The following MAMDC2 variants were observed in gnomAD, a reference collection of about 807,000 sequenced individuals.
The protein encoded by MAMDC2 is MAM domain containing 2, also known as MAM domain-containing protein 2.
In MAMDC2, 57 loss-of-function variants were observed where a neutral mutation model predicts 89.8. That is an observed-to-expected ratio of 0.63 (90% CI 0.51 to 0.79). MAMDC2 has a LOEUF of 0.79. Among genes scored for constraint, MAMDC2 ranks in the 30% least tolerant of loss-of-function variants. The pLI, the probability that MAMDC2 is intolerant of heterozygous loss-of-function variation, is 0.00. For synonymous variants in MAMDC2, 313 were observed against 293.4 expected, an observed-to-expected ratio of 1.07 and a Z score of -0.68; for missense variants, 800 against 820.6, an observed-to-expected ratio of 0.97 and a Z score of 0.31.
intron 11 of MAMDC2, among the ~76,000 whole-genome samples, chr9:70,200,484 G>A (rs12350836): frequency 0.012 from 1,838 of 151,776 alleles, 37 homozygotes; most frequent in African/African-American, 0.042. Context: ...GTCAGGTAGC[G>A]TGATTCCTCC....
intron 2 of MAMDC2, among the ~76,000 whole-genome samples, chr9:70,105,090 A>G (rs1828301464): frequency 6.6e-6 from 1 of 152,224 alleles, no homozygotes; most frequent in South Asian, 2.1e-4. Flanking sequence ...ATTCTAGAAT[A>G]GCAATTTTCT....
chr9:70,163,217 A>ATTTC (rs1479053295), intron 9 of MAMDC2, among the ~76,000 whole-genome samples: 1 of 23,578 alleles, frequency 4.2e-5, no homozygotes, highest in Non-Finnish European at 9.8e-5. Context: ...GCTTCAGGAT[A>ATTTC]TTTCTTTCTT....
At chr9:70,075,256 C>T (rs1247373309) in intron 2 of MAMDC2, among the ~76,000 whole-genome samples, 1 of 152,200 alleles carries the variant, frequency 6.6e-6, no homozygotes, top group East Asian at 1.9e-4. Context: ...ACCCTAACCC[C>T]TGCAACAGCA....
intron 7 of MAMDC2, among the ~76,000 whole-genome samples, chr9:70,138,789 G>A (rs1443457766): frequency 1.3e-5 from 2 of 152,086 alleles, no homozygotes; most frequent in African/African-American, 4.8e-5. Flanking sequence ...ACTCGGCAAA[G>A]TCAAAGCAAT....
At chr9:70,203,260 A>G (rs1049823690) in intron 11 of MAMDC2, among the ~76,000 whole-genome samples, 3 of 152,112 alleles carry the variant, frequency 2.0e-5, no homozygotes, top group African/African-American at 7.2e-5. Context: ...GATGGTGACA[A>G]AATCGGTCAG....
At chr9:70,215,531 C>G (rs935971434) in intron 11 of MAMDC2, among the ~76,000 whole-genome samples, 3 of 152,214 alleles carry the variant, frequency 2.0e-5, no homozygotes, top group African/African-American at 4.8e-5. Context: ...AACCAATTAG[C>G]TTTCTAATTA....
In MAMDC2 at chr9:70,131,526, T is replaced by G; in HGVS notation, c.908T>G (p.Phe303Cys). 1 of 1,598,830 alleles carries G rather than the reference T, an allele frequency of 6.3e-7. No homozygotes were observed. Among genetic ancestry groups the G allele is most frequent in the Non-Finnish European group, 8.5e-7 (1 of 1,176,246 alleles). ...TGCCATTTTCCTCTGCAGGTTATTT[T>G]TGAAGTTGCTTTCAATGGTCCCAAG... is the stretch of plus-strand genomic sequence containing the variant. Reference protein sequence around the residue: ...FSAPYPMEVIFEVAFNGPKGG... With the variant: ...FSAPYPMEVICEVAFNGPKGG... Residue 303 changes from phenylalanine (F) to cysteine (C), a missense_variant, in exon 7 of 14, where the codon TTT becomes TGT. Coordinates refer to ENST00000377182, the MANE Select transcript of MAMDC2 (RefSeq NM_153267.5).
intron 11 of MAMDC2, among the ~76,000 whole-genome samples, chr9:70,180,019 C>G (rs1457011716): frequency 6.6e-6 from 1 of 151,630 alleles, no homozygotes; most frequent in African/African-American, 2.4e-5. Context: ...ATTTGTCCCC[C>G]CACCCCCCAA....
intron 5 of MAMDC2, among the ~76,000 whole-genome samples, chr9:70,119,951 G>C (rs999543257): frequency 1.3e-5 from 2 of 152,196 alleles, no homozygotes; most frequent in Non-Finnish European, 2.9e-5. Flanking sequence ...TCCCACTTTA[G>C]TGTTGACAGA....
chr9:70,153,672 T>C (rs2031650165), intron 9 of MAMDC2: 1 of 152,218 alleles, frequency 6.6e-6, no homozygotes, highest in South Asian at 2.1e-4. Context: ...CCAGCAGTCA[T>C]TAAAATCTTC....
At chr9:70,059,539 C>G (rs1364187330) in intron 2 of MAMDC2, among the ~76,000 whole-genome samples, 1 of 152,086 alleles carries the variant, frequency 6.6e-6, no homozygotes, top group Non-Finnish European at 1.5e-5. Context: ...ACTTGCTTTC[C>G]CAAGCCTAGA....
intron 11 of MAMDC2, among the ~76,000 whole-genome samples, chr9:70,210,074 A>G (rs1224303765): frequency 6.6e-6 from 1 of 152,214 alleles, no homozygotes; most frequent in African/African-American, 2.4e-5. Flanking sequence ...CAATTTTGGA[A>G]TAAGTGCAAT....
At chr9:70,211,232 T>G (rs564381218) in intron 11 of MAMDC2, among the ~76,000 whole-genome samples, 1 of 152,238 alleles carries the variant, frequency 6.6e-6, no homozygotes, top group Non-Finnish European at 1.5e-5. Flanking sequence ...TCCAACTTGG[T>G]TCCATCCTCC....
At chr9:70,171,423 C>T (rs891231645) in intron 11 of MAMDC2, among the ~76,000 whole-genome samples, 1 of 152,038 alleles carries the variant, frequency 6.6e-6, no homozygotes, top group Non-Finnish European at 1.5e-5. Flanking sequence ...TTGCTTGAGC[C>T]CAGGAGGTCA....
chr9:70,072,447 C>T (rs1429701884), intron 2 of MAMDC2, among the ~76,000 whole-genome samples: 2 of 152,122 alleles, frequency 1.3e-5, no homozygotes, highest in Non-Finnish European at 2.9e-5. Context: ...TACAAATGCT[C>T]TTAATTTTAG....
chr9:70,058,413 G>T, intron 2 of MAMDC2, among the ~76,000 whole-genome samples: 1 of 152,144 alleles, frequency 6.6e-6, no homozygotes, highest in East Asian at 1.9e-4. Context: ...GTCTCAAAGG[G>T]TCCTTGTGAT....
chr9:70,219,426 G>A (rs2182736), intron 12 of MAMDC2, among the ~76,000 whole-genome samples: 96,960 of 152,112 alleles, frequency 0.64, 31,676 homozygotes, highest in Non-Finnish European at 0.7. Flanking sequence ...TCTTACTTCT[G>A]GCTGATAAAC....
intron 2 of MAMDC2, among the ~76,000 whole-genome samples, chr9:70,050,393 C>A (rs1014633400): frequency 6.6e-6 from 1 of 152,208 alleles, no homozygotes; most frequent in African/African-American, 2.4e-5. Flanking sequence ...TGAAGAACGG[C>A]TTAAGCCTCG....
intron 4 of MAMDC2, among the ~76,000 whole-genome samples, 180 bp downstream of exon 4, chr9:70,109,984 G>A (rs1231588199): frequency 6.6e-6 from 1 of 152,188 alleles, no homozygotes; most frequent in Non-Finnish European, 1.5e-5. Flanking sequence ...TGTCTTTAGT[G>A]TGGGAAGGCT....
Sources: allele counts gnomAD v4.1 joint callset (sites outside exome capture counted in the v4.1 genomes callset), GRCh38; gene constraint gnomAD v4.1.1; transcripts MANE v1.5; gene names NCBI Gene and HGNC (gene_info 2026-07-23, HGNC 2026-07-21).